GRID1: variants seen among roughly 807,000 people sequenced by gnomAD.
The protein encoded by GRID1 is glutamate receptor ionotropic, delta-1.
GRID1 carries 28 observed loss-of-function variants against 98.0 expected under a neutral mutation model. That is an observed-to-expected ratio of 0.29 (90% CI 0.21 to 0.39). GRID1 has a LOEUF of 0.39. GRID1 is among the 10% of genes least tolerant of loss of function. The pLI, the probability that GRID1 is intolerant of heterozygous loss-of-function variation, is 1.00. For synonymous variants in GRID1, 553 were observed against 538.5 expected (o/e 1.03, Z -0.37); for missense variants, 1,111 against 1,340.5 (o/e 0.83, Z 2.67).
At chr10:85,661,584 C>G (rs1840965917) in intron 12 of GRID1, among the ~76,000 whole-genome samples, 1 of 152,196 alleles carries the variant, frequency 6.6e-6, no homozygotes, top group South Asian at 2.1e-4. Context: ...CTGGCAGCCA[C>G]CTCCTCAGAA....
rs149161783 is a variant in GRID1 at position 85,975,790 on chromosome 10, T to C, written c.727-59551A>G. Among the ~76,000 whole-genome samples the C allele has an allele frequency of 6.2e-3, 949 of 152,282 alleles. 11 individuals carry two copies. The highest frequency in any genetic ancestry group is 0.022 in the African/African-American group (905 of 41,556). On this transcript the variant is annotated intron_variant, in intron 4 of 15. Transcript: ENST00000327946. ...GACCCTCAAGGTCAAGCTCTCTCTC[T>C]CAGAGGCCACCTTTCCCAAAAACTT...
At chr10:86,050,523 A>G (rs539228750) in intron 4 of GRID1, among the ~76,000 whole-genome samples, 1 of 152,212 alleles carries the variant, frequency 6.6e-6, no homozygotes, top group African/African-American at 2.4e-5. Context: ...ATCAATATTA[A>G]AAGGTCAGTA....
intron 4 of GRID1, among the ~76,000 whole-genome samples, chr10:86,085,449 G>A (rs2352178): frequency 0.23 from 35,323 of 152,084 alleles, 4,359 homozygotes; most frequent in South Asian, 0.37. Context: ...AGGAAAGGTC[G>A]AGAGAGCACA....
At chr10:86,232,473 C>T (rs1410324539) in intron 2 of GRID1, among the ~76,000 whole-genome samples, 2 of 152,186 alleles carry the variant, frequency 1.3e-5, no homozygotes, top group Non-Finnish European at 2.9e-5. Context: ...GTCGATACAG[C>T]CCAGCTGCCT....
intron 8 of GRID1, among the ~76,000 whole-genome samples, chr10:85,851,985 A>C (rs897614094): frequency 6.6e-6 from 1 of 151,074 alleles, no homozygotes; most frequent in African/African-American, 2.4e-5. Flanking sequence ...CGAAACTACC[A>C]CTCAGCTCTG....
chr10:85,714,286 G>GA, intron 12 of GRID1, among the ~76,000 whole-genome samples: 1 of 151,764 alleles, frequency 6.6e-6, no homozygotes. Context: ...GAGCGTATCA[G>GA]AAAAAAATGG....
intron 5 of GRID1, among the ~76,000 whole-genome samples, chr10:85,878,302 C>A (rs1346806426): frequency 2.0e-5 from 3 of 151,902 alleles, no homozygotes; most frequent in African/African-American, 4.8e-5. Context: ...AAGAGCAACT[C>A]CAAGACACAT....
At chr10:85,708,110 T>TAA (rs1841541564) in intron 12 of GRID1, among the ~76,000 whole-genome samples, 1 of 100,382 alleles carries the variant, frequency 1.0e-5, no homozygotes, top group Non-Finnish European at 2.0e-5. Context: ...ACTTAAAGTA[T>TAA]AATAAAAAAA....
intron 4 of GRID1, among the ~76,000 whole-genome samples, chr10:86,013,154 T>C (rs1842940344): frequency 6.6e-6 from 1 of 152,198 alleles, no homozygotes; most frequent in Non-Finnish European, 1.5e-5. Context: ...CGAGTGTCTG[T>C]TTGGAATAGA....
In GRID1 at chr10:85,916,783, C is replaced by T. The variant is rs376011685; in HGVS notation, c.727-544G>A. Reference sequence around the variant, plus strand: ...TAGCTCCTGGGCCGTAGCCCCATCCCGTAACTCTCTATTAGTGTTTTGTTC... The same window carrying T: ...TAGCTCCTGGGCCGTAGCCCCATCCTGTAACTCTCTATTAGTGTTTTGTTC... On this transcript the variant is annotated intron_variant, in intron 4 of 15. Transcript: ENST00000327946. The surrounding 1 kb of genome is among the most constrained non-coding windows in gnomAD (Gnocchi z 4.0). Among the ~76,000 whole-genome samples the T allele has an allele frequency of 3.3e-5, 5 of 152,186 alleles. No individual in the cohort carries two copies. The highest frequency in any genetic ancestry group is 4.8e-5 in the African/African-American group (2 of 41,434).
intron 2 of GRID1, among the ~76,000 whole-genome samples, chr10:86,231,149 AT>A (rs1259252272): frequency 6.6e-6 from 1 of 152,206 alleles, no homozygotes; most frequent in Non-Finnish European, 1.5e-5. Context: ...TGTGATACAC[AT>A]TTTGCAAATG....
At chr10:85,963,617 T>C (rs1366006662) in intron 4 of GRID1, among the ~76,000 whole-genome samples, 1 of 152,170 alleles carries the variant, frequency 6.6e-6, no homozygotes, top group African/African-American at 2.4e-5. Flanking sequence ...CCCAAATCCG[T>C]GGGGTTATTT....
chr10:86,117,587 TCAA>T lies in GRID1; in HGVS notation c.726+21229_726+21231del, dbSNP rs763917278. On this transcript the variant is annotated intron_variant, in intron 4 of 15. Transcript: ENST00000327946. ...ACTGCTATCACTATCACCACCATCATCAACATCATTATCATCACCACTATCACC... is the reference window on the plus strand; with the variant it reads ...ACTGCTATCACTATCACCACCATCATCATCATTATCATCACCACTATCACC... 7.2e-4 allele frequency among the ~76,000 whole-genome samples: 107 copies of T among 149,242 alleles called. 1 individual carries two copies. Among genetic ancestry groups the T allele is most frequent in the African/African-American group, 2.3e-3 (95 of 40,492 alleles).
At chr10:85,934,529 A>G (rs1841901467) in intron 4 of GRID1, among the ~76,000 whole-genome samples, 1 of 152,036 alleles carries the variant, frequency 6.6e-6, no homozygotes, top group Non-Finnish European at 1.5e-5. Context: ...AGTCTGGGCT[A>G]TATTCTAAGA....
chr10:86,125,177 A>G (rs190311657), intron 4 of GRID1, among the ~76,000 whole-genome samples: 27 of 152,350 alleles, frequency 1.8e-4, no homozygotes, highest in Admixed American at 3.9e-4. Flanking sequence ...TAAAAGCACC[A>G]TGGCTTCCAC....
intron 5 of GRID1, among the ~76,000 whole-genome samples, chr10:85,895,016 A>AAAAAATATATATATATAT (rs766551035): frequency 3.1e-5 from 3 of 97,108 alleles, no homozygotes; most frequent in Non-Finnish European, 6.2e-5. Context: ...AAAAAAAAAA[A>AAAAAATATATATATATAT]ATATATATAT....
chr10:85,657,232 C>CA (rs966982525), intron 12 of GRID1, among the ~76,000 whole-genome samples: 65 of 151,482 alleles, frequency 4.3e-4, no homozygotes, highest in East Asian at 2.5e-3. Flanking sequence ...GATAAAAATA[C>CA]AAAAAAAAAT....
At chr10:85,943,470 T>C (rs1348030386) in intron 4 of GRID1, among the ~76,000 whole-genome samples, 1 of 152,200 alleles carries the variant, frequency 6.6e-6, no homozygotes, top group African/African-American at 2.4e-5. Flanking sequence ...AGATCATCTT[T>C]AATATAGTGA....
rs533629004 is a variant in GRID1, at chr10:85,715,972, T to A, written c.1997+7031A>T. 2.3e-3 allele frequency among the ~76,000 whole-genome samples: 343 copies of A among 152,040 alleles called. 1 individual carries two copies. Among genetic ancestry groups the A allele is most frequent in the Non-Finnish European group, 3.7e-3 (252 of 67,974 alleles). On this transcript the variant is annotated intron_variant, in intron 12 of 15. Coordinates refer to ENST00000327946, the MANE Select transcript of GRID1 (RefSeq NM_017551.3). The stretch of plus-strand genomic sequence containing the variant: ...CCCAGGCTGGAGTGCAGTGGCATGA[T>A]CTCGGCTCACTGCAACCTCCACCTC...
Sources: gnomAD v4.1 joint callset for allele counts (sites outside exome capture counted in the v4.1 genomes callset) on GRCh38, gnomAD v4.1.1 for gene constraint, Gnocchi (gnomAD v3.1) non-coding constraint, MANE v1.5 for transcripts, NCBI Gene and HGNC (gene_info 2026-07-23, HGNC 2026-07-21) for gene names.